Variants in TESK2 observed in about 807,000 individuals in gnomAD.
The protein encoded by TESK2 is dual specificity testis-specific protein kinase 2.
Under a neutral mutation model 57.1 loss-of-function variants are expected in TESK2, and 39 were observed. The ratio of observed to expected loss-of-function variants is 0.68; its 90% CI spans 0.53 to 0.89. The LOEUF is 0.89. Ranked by LOEUF, TESK2 falls within the 40% of genes least tolerant of loss-of-function variation. TESK2 has a pLI of 0.00. For synonymous variants in TESK2, 249 were observed against 267.9 expected (o/e 0.93, Z 0.69); for missense variants, 646 against 732.1 (o/e 0.88, Z 1.36).
chr1:45,419,415 T>A (rs1046781369), intron 3 of TESK2, among the ~76,000 whole-genome samples: 1 of 152,182 alleles, frequency 6.6e-6, no homozygotes, highest in Non-Finnish European at 1.5e-5. Flanking sequence ...GCAAGTAAAG[T>A]ATAAATTCCT....
intron 1 of TESK2, among the ~76,000 whole-genome samples, chr1:45,480,686 GAATA>G (rs1014183383): frequency 2.0e-5 from 3 of 150,696 alleles, no homozygotes; most frequent in Non-Finnish European, 3.0e-5. Flanking sequence ...AATAATAAAT[GAATA>G]AATAAATAAT....
chr1:45,449,600 T>C (rs1293722897), intron 2 of TESK2, among the ~76,000 whole-genome samples: 1 of 152,150 alleles, frequency 6.6e-6, no homozygotes, highest in Non-Finnish European at 1.5e-5. Context: ...AAGAGTGTGG[T>C]GATGCATAAT....
chr1:45,431,569 C>T (rs1323134643), intron 2 of TESK2, among the ~76,000 whole-genome samples: 1 of 152,092 alleles, frequency 6.6e-6, no homozygotes, highest in African/African-American at 2.4e-5. Context: ...ATTAGGGATG[C>T]TCAACCAGTA....
intron 4 of TESK2, among the ~76,000 whole-genome samples, chr1:45,369,862 C>T (rs1334694184): frequency 1.3e-5 from 2 of 152,040 alleles, no homozygotes; most frequent in East Asian, 3.9e-4. Context: ...AAGGTGCGCA[C>T]CATCACACCC....
chr1:45,352,769 T>C (rs1401166103), intron 5 of TESK2, among the ~76,000 whole-genome samples: 1 of 152,186 alleles, frequency 6.6e-6, no homozygotes, highest in Non-Finnish European at 1.5e-5. Flanking sequence ...TCTGTGTAAC[T>C]GATACATATT....
At chr1:45,464,367 T>C (rs1652452271) in intron 1 of TESK2, among the ~76,000 whole-genome samples, 2 of 149,410 alleles carry the variant, frequency 1.3e-5, no homozygotes, top group South Asian at 4.2e-4. Context: ...GAGGTTGCGA[T>C]GAGCCAAGAT....
chr1:45,469,457 G>A (rs1652680698), intron 1 of TESK2, among the ~76,000 whole-genome samples: 2 of 152,188 alleles, frequency 1.3e-5, no homozygotes, highest in South Asian at 2.1e-4. Flanking sequence ...AAAATCCTGA[G>A]AGATTATGAC....
chr1:45,367,001 G>C (rs763319186), intron 4 of TESK2, among the ~76,000 whole-genome samples: 35 of 152,088 alleles, frequency 2.3e-4, no homozygotes, highest in Non-Finnish European at 3.7e-4. Flanking sequence ...GGGCATAGTG[G>C]TGCATGCCTG....
intron 4 of TESK2, among the ~76,000 whole-genome samples, chr1:45,381,689 A>G (rs1648658093): frequency 1.3e-5 from 2 of 151,940 alleles, no homozygotes; most frequent in Non-Finnish European, 2.9e-5. Flanking sequence ...ATAAACGTTT[A>G]TTGTATGCTT....
At chr1:45,409,748 TA>T (rs1649970797) in intron 3 of TESK2, among the ~76,000 whole-genome samples, 1 of 152,062 alleles carries the variant, frequency 6.6e-6, no homozygotes, top group African/African-American at 2.4e-5. Context: ...ATAAGAATGG[TA>T]AGTTTTTGGC....
At chr1:45,456,506 G>A (rs929006405) in intron 2 of TESK2, among the ~76,000 whole-genome samples, 2 of 151,478 alleles carry the variant, frequency 1.3e-5, no homozygotes, top group Admixed American at 1.3e-4. Flanking sequence ...GCAACAGAGT[G>A]AGACTCCATC....
intron 3 of TESK2, among the ~76,000 whole-genome samples, chr1:45,397,086 T>C (rs1649403098): frequency 6.6e-6 from 1 of 152,174 alleles, no homozygotes; most frequent in African/African-American, 2.4e-5. Context: ...CCTGAAGTGC[T>C]GGGATTACAG....
At chr1:45,379,696 C>T (rs1648571251) in intron 4 of TESK2, among the ~76,000 whole-genome samples, 1 of 152,070 alleles carries the variant, frequency 6.6e-6, no homozygotes. Context: ...AGGATCAGAG[C>T]TATGTGAATA....
intron 3 of TESK2, among the ~76,000 whole-genome samples, chr1:45,407,442 G>C (rs1483389166): frequency 6.6e-6 from 1 of 152,076 alleles, no homozygotes. Context: ...TTCTATAATT[G>C]TTTGTATTTT....
intron 3 of TESK2, chr1:45,413,914 A>G (rs187896737): frequency 8.9e-6 from 4 of 451,318 alleles, no homozygotes; most frequent in Non-Finnish European, 1.8e-5. Context: ...AAAATAGACT[A>G]AGAGCCATAC....
chr1:45,403,170 A>C (rs1190477840), intron 3 of TESK2, among the ~76,000 whole-genome samples: 1 of 150,664 alleles, frequency 6.6e-6, no homozygotes, highest in African/African-American at 2.4e-5. Flanking sequence ...GGTCCTAGCT[A>C]CTCAGGAGGC....
At chr1:45,459,993 T>C (rs949062123) in intron 1 of TESK2, among the ~76,000 whole-genome samples, 4 of 152,132 alleles carry the variant, frequency 2.6e-5, no homozygotes, top group Admixed American at 2.0e-4. Context: ...TTCTCACTTA[T>C]AACTAGGAGC....
At chr1:45,368,733 T>C (rs1286965806) in intron 4 of TESK2, among the ~76,000 whole-genome samples, 1 of 151,946 alleles carries the variant, frequency 6.6e-6, no homozygotes, top group African/African-American at 2.4e-5. Flanking sequence ...TGTGAGCCAC[T>C]GCACCTGGCT....
chr1:45,352,300 G>A (rs1291461196), intron 5 of TESK2, among the ~76,000 whole-genome samples: 1 of 152,188 alleles, frequency 6.6e-6, no homozygotes, highest in Non-Finnish European at 1.5e-5. Flanking sequence ...GAAATATAGG[G>A]AGTTATTTCT....
Sources: allele counts gnomAD v4.1 joint callset (sites outside exome capture counted in the v4.1 genomes callset), GRCh38; gene constraint gnomAD v4.1.1; transcripts MANE v1.5; gene names NCBI Gene and HGNC (gene_info 2026-07-23, HGNC 2026-07-21).